Variants in SLC22A16 observed in about 807,000 individuals in gnomAD.
The protein encoded by SLC22A16 is solute carrier family 22 member 16.
SLC22A16 carries 53 observed loss-of-function variants against 52.9 expected under a neutral mutation model. The observed-to-expected ratio is 1.00, with a 90% CI of 0.80 to 1.26. The LOEUF is 1.26. SLC22A16 is among the 50% of genes most tolerant of loss of function. The pLI is 0.00. For synonymous variants in SLC22A16, 291 were observed against 268.8 expected (o/e 1.08, Z -0.81); for missense variants, 726 against 704.0 (o/e 1.03, Z -0.35).
intron 1 of SLC22A16, among the ~76,000 whole-genome samples, chr6:110,471,011 G>A (rs965838783): frequency 1.3e-5 from 2 of 152,178 alleles, no homozygotes; most frequent in Non-Finnish European, 2.9e-5. Flanking sequence ...CTCTCTGGCA[G>A]GGGACCACAT....
At chr6:110,430,130 AAGG>A (rs747945417) in intron 7 of SLC22A16, among the ~76,000 whole-genome samples, 1 of 151,962 alleles carries the variant, frequency 6.6e-6, no homozygotes, top group Non-Finnish European at 1.5e-5. Flanking sequence ...GATGAAGCGC[AAGG>A]AGAAGACTGG....
rs150956643 is a variant in SLC22A16, at chr6:110,453,808, G to T, written c.533+2730C>A. The T allele has an allele frequency of 1.9e-3, 789 of 423,910 alleles. 8 individuals carry two copies. The highest frequency in any genetic ancestry group is 6.8e-3 in the East Asian group (96 of 14,152). 26.3% of individuals were successfully genotyped at this position (423,910 alleles called of 1,614,324 possible). ...AGAAAAGAGGTTTATTTAGCTCATAGTTCTGCAGGCTGGGAAGATCAAGGG... is the reference window on the plus strand; with the variant it reads ...AGAAAAGAGGTTTATTTAGCTCATATTTCTGCAGGCTGGGAAGATCAAGGG... On this transcript the variant is annotated intron_variant, in intron 2 of 7. Coordinates refer to ENST00000368919, the MANE Select transcript of SLC22A16 (RefSeq NM_033125.4).
chr6:110,431,117 A>C (rs566658493), intron 7 of SLC22A16, 54 bp downstream of exon 7: 28 of 1,414,482 alleles, frequency 2.0e-5, no homozygotes, highest in Non-Finnish European at 2.7e-5. Flanking sequence ...GCTAATAGGC[A>C]ATTAGAAACT....
intron 4 of SLC22A16, 109 bp from the exon 5 acceptor site, chr6:110,438,956 C>A: frequency 6.6e-6 from 9 of 1,368,030 alleles, no homozygotes; most frequent in Non-Finnish European, 8.9e-6. Context: ...CTCCTCACTT[C>A]TGGGGCCTTT....
At chr6:110,439,746 G>A (rs932678608) in intron 4 of SLC22A16, among the ~76,000 whole-genome samples, 1 of 152,130 alleles carries the variant, frequency 6.6e-6, no homozygotes, top group Non-Finnish European at 1.5e-5. Flanking sequence ...ATAAAAAGAG[G>A]TTTCTAATAT....
chr6:110,434,135 G>C (rs1774619661), intron 6 of SLC22A16, among the ~76,000 whole-genome samples: 1 of 152,092 alleles, frequency 6.6e-6, no homozygotes, highest in East Asian at 1.9e-4. Context: ...AGCTACTCAG[G>C]AGGCTGAGGC....
chr6:110,473,914 G>T (rs4543405), intron 1 of SLC22A16, among the ~76,000 whole-genome samples: 17,668 of 151,622 alleles, frequency 0.12, 1,314 homozygotes, highest in East Asian at 0.27. Context: ...GTTCTCTACT[G>T]TAGGGGTCCC....
intron 2 of SLC22A16, among the ~76,000 whole-genome samples, chr6:110,454,923 A>ATGTTATATTATATATAATATG: frequency 1.1e-5 from 1 of 93,412 alleles, no homozygotes; most frequent in African/African-American, 4.4e-5. Flanking sequence ...TATATAATAT[A>ATGTTATATTATATATAATATG]TATATTATAA....
At chr6:110,428,640 G>C (rs1437839444) in intron 7 of SLC22A16, among the ~76,000 whole-genome samples, 1 of 152,350 alleles carries the variant, frequency 6.6e-6, no homozygotes, top group Non-Finnish European at 1.5e-5. Flanking sequence ...TTTAGGCAGG[G>C]CATGGTGGTT....
Position 110,446,999 on chromosome 6 carries a change from T to G in SLC22A16, c.534-9A>C. On this transcript the variant is annotated splice_polypyrimidine_tract_variant and intron_variant, in intron 2 of 7. Transcript: ENST00000368919. ...CCACCCGGCGTCCTAGCCTGAAAAA[T>G]AAGAGTCACACAGTGGAAGAGGAAA... 6.2e-7 allele frequency: 1 copy of G among 1,608,012 alleles called. No individual in the cohort carries two copies. Among genetic ancestry groups the G allele is most frequent in the Middle Eastern group, 1.7e-4 (1 of 6,022 alleles).
At chr6:110,472,645 A>C (rs1018121329) in intron 1 of SLC22A16, among the ~76,000 whole-genome samples, 1 of 152,146 alleles carries the variant, frequency 6.6e-6, no homozygotes, top group Admixed American at 6.5e-5. Flanking sequence ...TTGAAAAAAA[A>C]CCAAGCCCCA....
intron 7 of SLC22A16, among the ~76,000 whole-genome samples, chr6:110,428,663 C>T (rs950377455): frequency 2.6e-5 from 4 of 152,194 alleles, no homozygotes; most frequent in Admixed American, 6.5e-5. Flanking sequence ...TGCCTGTAAT[C>T]CCAGCACTTT....
At position 110,463,913 on chromosome 6, in the gene SLC22A16, C is replaced by CAA. The variant is rs34477824; in HGVS notation, c.54-6898_54-6897dup. Among the ~76,000 whole-genome samples the CAA allele has an allele frequency of 3.6e-4, 50 of 140,066 alleles. No homozygotes were observed. The East Asian group carries it at 3.9e-3, about 11-fold the overall frequency. 91.9% of individuals were successfully genotyped at this position (140,066 alleles called of 152,430 possible). The stretch of plus-strand genomic sequence containing the variant: ...CCCATAAAGCAAGTCTCAATAAATG[C>CAA]AAAAAAAAAAAAGTCAAAATCATAT... On this transcript the variant is annotated intron_variant, in intron 1 of 7. Coordinates refer to ENST00000368919, the MANE Select transcript of SLC22A16 (RefSeq NM_033125.4).
At chr6:110,476,366 C>T in intron 1 of SLC22A16, 156 bp downstream of exon 1, 1 of 1,359,704 alleles carries the variant, frequency 7.4e-7, no homozygotes, top group Non-Finnish European at 9.4e-7. Context: ...AGCTAGGGGC[C>T]GGCGTCTGGA....
chr6:110,455,860 A>G (rs996065222), intron 2 of SLC22A16: 2 of 152,302 alleles, frequency 1.3e-5, no homozygotes, highest in Admixed American at 1.3e-4. Flanking sequence ...ATGTGAGGAC[A>G]CTGCATTTAT....
chr6:110,450,104 TG>T (rs1775317281), intron 2 of SLC22A16, among the ~76,000 whole-genome samples: 1 of 151,942 alleles, frequency 6.6e-6, no homozygotes, highest in Non-Finnish European at 1.5e-5. Context: ...TTGGGGATGC[TG>T]GCCTGGGCTC....
At chr6:110,473,585 C>T (rs955097769) in intron 1 of SLC22A16, among the ~76,000 whole-genome samples, 14 of 130,992 alleles carry the variant, frequency 1.1e-4, no homozygotes, top group Admixed American at 7.0e-4. Flanking sequence ...AGTGCAGTGG[C>T]GCAATCTCGG....
chr6:110,460,878 A>G (rs1275673543), intron 1 of SLC22A16, among the ~76,000 whole-genome samples: 1 of 152,208 alleles, frequency 6.6e-6, no homozygotes, highest in Non-Finnish European at 1.5e-5. Flanking sequence ...GGGGGAGCAC[A>G]GCCCACCAAA....
At chr6:110,429,640 A>T (rs1774415411) in intron 7 of SLC22A16, among the ~76,000 whole-genome samples, 1 of 152,172 alleles carries the variant, frequency 6.6e-6, no homozygotes. Flanking sequence ...AGCTGTGGGG[A>T]TGCAAATGTC....
Sources: allele counts gnomAD v4.1 joint callset (sites outside exome capture counted in the v4.1 genomes callset), GRCh38; gene constraint gnomAD v4.1.1; transcripts MANE v1.5; gene names NCBI Gene and HGNC (gene_info 2026-07-23, HGNC 2026-07-21).